Variants in FOXN3 observed in about 807,000 individuals in gnomAD.
The protein encoded by FOXN3 is forkhead box N3.
FOXN3 carries 7 observed loss-of-function variants against 38.4 expected under a neutral mutation model. The ratio of observed to expected loss-of-function variants is 0.18; its 90% CI spans 0.10 to 0.34. The LOEUF (loss-of-function observed/expected upper bound fraction) is 0.34. Among genes scored for constraint, FOXN3 ranks in the 10% least tolerant of loss-of-function variants. FOXN3 has a pLI of 1.00. For synonymous variants in FOXN3, 230 were observed against 242.2 expected (o/e 0.95, Z 0.47); for missense variants, 456 against 613.4 (o/e 0.74, Z 2.71).
chr14:89,247,425 T>A (rs532150455), intron 4 of FOXN3, among the ~76,000 whole-genome samples: 6 of 152,312 alleles, frequency 3.9e-5, no homozygotes, highest in Admixed American at 3.9e-4. Flanking sequence ...GAAGTATTAG[T>A]AGATTTTAAA....
intron 4 of FOXN3, among the ~76,000 whole-genome samples, chr14:89,266,870 C>A (rs1885995195): frequency 6.6e-6 from 1 of 152,132 alleles, no homozygotes; most frequent in African/African-American, 2.4e-5. Flanking sequence ...AAAAGAGACG[C>A]CATTGTATTT....
intron 1 of FOXN3, among the ~76,000 whole-genome samples, chr14:89,524,296 A>C (rs113576143): frequency 0.39 from 53,680 of 136,326 alleles, 10,798 homozygotes; most frequent in East Asian, 0.62. Context: ...ATGGTGTGAA[A>C]CCCGGGGGGC....
At chr14:89,514,212 C>A (rs1566682506) in intron 1 of FOXN3, among the ~76,000 whole-genome samples, 1 of 152,278 alleles carries the variant, frequency 6.6e-6, no homozygotes, top group Middle Eastern at 3.4e-3. Flanking sequence ...GGCTGGGGAA[C>A]CAAGCCTTCC....
intron 1 of FOXN3, among the ~76,000 whole-genome samples, chr14:89,448,536 C>G (rs2139707420): frequency 6.6e-6 from 1 of 152,298 alleles, no homozygotes; most frequent in South Asian, 2.1e-4. Flanking sequence ...CTGCTTCTCC[C>G]TCTCTCCTCC....
chr14:89,297,559 CAAAAAAA>C (rs919496715), intron 3 of FOXN3, among the ~76,000 whole-genome samples: 15 of 103,576 alleles, frequency 1.4e-4, no homozygotes, highest in African/African-American at 5.4e-4. Flanking sequence ...GACTCCCTTT[CAAAAAAA>C]AAAAAAAAAA....
intron 1 of FOXN3, among the ~76,000 whole-genome samples, chr14:89,608,807 G>C (rs1896332702): frequency 6.6e-6 from 1 of 152,226 alleles, no homozygotes; most frequent in African/African-American, 2.4e-5. Flanking sequence ...TGGAAGACTA[G>C]AATTATCTTA....
intron 1 of FOXN3, among the ~76,000 whole-genome samples, chr14:89,425,243 G>T (rs1017708673): frequency 6.6e-6 from 1 of 151,864 alleles, no homozygotes; most frequent in Admixed American, 6.6e-5. Context: ...GCTATTGTTT[G>T]TATTTTCAGT....
At chr14:89,325,301 A>ACACCAACACCAC (rs1888032353) in intron 3 of FOXN3, among the ~76,000 whole-genome samples, 1 of 80,254 alleles carries the variant, frequency 1.2e-5, no homozygotes, top group Non-Finnish European at 2.8e-5. Context: ...ACCAACACCA[A>ACACCAACACCAC]CACCACCACC....
At chr14:89,350,607 G>C in intron 3 of FOXN3, 65 bp downstream of exon 3, 1 of 1,324,062 alleles carries the variant, frequency 7.6e-7, no homozygotes. Context: ...ATTAATTTCC[G>C]CGCAGGTCTC....
Position 89,344,206 on chromosome 14 carries a change from C to A in FOXN3, c.680+6466G>T, listed in dbSNP as rs566651853. ...CACAATACTTTACATGAAATATAGA[C>A]TATGATGTCATTATTTTTACATTGA... On this transcript the variant is annotated intron_variant, in intron 3 of 5. Transcript: ENST00000557258. 4.3e-3 allele frequency among the ~76,000 whole-genome samples: 654 copies of A among 151,040 alleles called. 10 individuals carry two copies. The highest frequency in any genetic ancestry group is 0.015 in the African/African-American group (613 of 41,140).
At chr14:89,440,292 T>C (rs143402990) in intron 1 of FOXN3, among the ~76,000 whole-genome samples, 1 of 152,254 alleles carries the variant, frequency 6.6e-6, no homozygotes, top group African/African-American at 2.4e-5. Context: ...AGCCTCCTGG[T>C]AACCTTTATA....
chr14:89,568,528 A>G (rs965780943), intron 1 of FOXN3, among the ~76,000 whole-genome samples: 1 of 152,222 alleles, frequency 6.6e-6, no homozygotes, highest in Non-Finnish European at 1.5e-5. Context: ...CACCATGTGC[A>G]CAGTGAACTC....
chr14:89,538,041 A>T (rs1894723251), intron 1 of FOXN3, among the ~76,000 whole-genome samples: 1 of 152,242 alleles, frequency 6.6e-6, no homozygotes, highest in Non-Finnish European at 1.5e-5. Flanking sequence ...TAATTAAATG[A>T]GACAACAGGA....
chr14:89,458,716 G>A (rs191953693), intron 1 of FOXN3, among the ~76,000 whole-genome samples: 4 of 152,010 alleles, frequency 2.6e-5, no homozygotes, highest in East Asian at 3.9e-4. Context: ...CTATTTTGTC[G>A]GGGGTGTGGA....
At chr14:89,612,991 C>T (rs762392787) in intron 1 of FOXN3, among the ~76,000 whole-genome samples, 4 of 151,840 alleles carry the variant, frequency 2.6e-5, no homozygotes, top group Admixed American at 6.6e-5. Context: ...GTGGCACGCA[C>T]CTGTAATCCC....
intron 1 of FOXN3, among the ~76,000 whole-genome samples, chr14:89,554,071 A>G (rs1253726365): frequency 6.6e-6 from 1 of 151,980 alleles, no homozygotes; most frequent in Admixed American, 6.6e-5. Context: ...ACACGATCTC[A>G]TATCACTGCA....
At chr14:89,581,960 A>T (rs1474466003) in intron 1 of FOXN3, among the ~76,000 whole-genome samples, 1 of 152,204 alleles carries the variant, frequency 6.6e-6, no homozygotes, top group Non-Finnish European at 1.5e-5. Context: ...AAAAGTTGTA[A>T]CAACTCTCCG....
intron 1 of FOXN3, among the ~76,000 whole-genome samples, chr14:89,463,780 CTCTCTT>C (rs1294858101): frequency 1.6e-5 from 2 of 128,206 alleles, no homozygotes; most frequent in Non-Finnish European, 3.4e-5. Flanking sequence ...AGTGGTCTCT[CTCTCTT>C]TTTTTTTTTT....
chr14:89,403,442 G>A (rs1161744020), intron 2 of FOXN3, among the ~76,000 whole-genome samples: 4 of 152,154 alleles, frequency 2.6e-5, no homozygotes, highest in Non-Finnish European at 2.9e-5. Context: ...AAAGTGATCC[G>A]CCCCACCTCG....
Sources: allele counts gnomAD v4.1 joint callset (sites outside exome capture counted in the v4.1 genomes callset), GRCh38; gene constraint gnomAD v4.1.1; transcripts MANE v1.5; gene names NCBI Gene and HGNC (gene_info 2026-07-23, HGNC 2026-07-21).